The following PDE4DIP variants were observed in gnomAD, a reference collection of about 807,000 sequenced individuals.
PDE4DIP encodes phosphodiesterase 4D interacting protein.
Under a neutral mutation model 221.4 loss-of-function variants are expected in PDE4DIP, and 59 were observed. That is an observed-to-expected ratio of 0.27 (90% confidence interval 0.22 to 0.33). PDE4DIP has a LOEUF of 0.33. PDE4DIP is among the 10% of genes least tolerant of loss of function. PDE4DIP has a pLI of 1.00. For synonymous variants in PDE4DIP, 404 were observed against 815.9 expected (o/e 0.50, Z 8.60); for missense variants, 1,036 against 2,154.2 (o/e 0.48, Z 10.28).
At chr1:148,961,101 TC>T (rs1346392351) in intron 6 of PDE4DIP, among the ~76,000 whole-genome samples, 1 of 152,024 alleles carries the variant, frequency 6.6e-6, no homozygotes, top group East Asian at 1.9e-4. Context: ...GGTCAGGAGT[TC>T]GAGACCAGCC....
intron 20 of PDE4DIP, 89 bp downstream of exon 23, chr1:148,979,938 T>G: frequency 6.8e-7 from 1 of 1,477,658 alleles, no homozygotes; most frequent in African/African-American, 1.4e-5. Context: ...CTTCATTAAG[T>G]GCAGATGCTT....
chr1:149,007,126 C>T, intron 27 of PDE4DIP, 75 bp from the exon 31 acceptor site: 1 of 650,638 alleles, frequency 1.5e-6, no homozygotes, highest in Non-Finnish European at 2.8e-6. Flanking sequence ...GAAATCTCTA[C>T]AGAAGCCCCC....
At chr1:148,960,070 A>C (rs1330436771) in intron 5 of PDE4DIP, among the ~76,000 whole-genome samples, 1 of 152,296 alleles carries the variant, frequency 6.6e-6, no homozygotes, top group Non-Finnish European at 1.5e-5. Flanking sequence ...TTTACCCTAA[A>C]TACTTAAGCA....
At chr1:149,022,862 A>T (rs2073491140) in intron 37 of PDE4DIP, among the ~76,000 whole-genome samples, 1 of 151,812 alleles carries the variant, frequency 6.6e-6, no homozygotes, top group Non-Finnish European at 1.5e-5. Flanking sequence ...AACGTATTGG[A>T]TGGGTCTAGT....
chr1:148,934,648 G>A (rs868935579), intron 4 of PDE4DIP, among the ~76,000 whole-genome samples: 1 of 152,106 alleles, frequency 6.6e-6, no homozygotes, highest in Admixed American at 6.5e-5. Context: ...CTGTTGCCCA[G>A]GGTGGAGTAC....
At chr1:148,991,732 C>T (rs1553558930) in intron 21 of PDE4DIP, among the ~76,000 whole-genome samples, 153 bp from the exon 25 acceptor site, 2 of 152,164 alleles carry the variant, frequency 1.3e-5, no homozygotes, top group South Asian at 2.1e-4. Context: ...TTCTATTTTT[C>T]TTTCCAGCCC....
In PDE4DIP at chr1:148,923,859, A is replaced by C. The variant is rs529256; in HGVS notation, c.142-5338A>C. On this transcript the variant is annotated intron_variant, in intron 1 of 43. Coordinates refer to ENST00000369354, the Ensembl canonical transcript of PDE4DIP. ...ACAAACTTTGAGGTAATTTTTGCAA[A>C]CCCTATTTTATAAATGAGGAAATTA... 8.8e-3 allele frequency among the ~76,000 whole-genome samples: 1,120 copies of C among 127,574 alleles called. 42 individuals are homozygous for C. The highest frequency in any genetic ancestry group is 0.018 in the African/African-American group (575 of 31,738). 83.7% of individuals were successfully genotyped at this position (127,574 alleles called of 152,430 possible).
In PDE4DIP at chr1:149,016,328, G is replaced by A. The variant is rs782413685; in HGVS notation, c.5296G>A (p.Ala1766Thr). 4 of 1,612,616 alleles carry A rather than the reference G, an allele frequency of 2.5e-6. No individual in the cohort carries two copies. In the African/African-American group the frequency reaches 5.4e-5, roughly 22 times the overall value. Residue 1766 changes from alanine to threonine, a missense_variant, in exon 33 of 44, where the codon GCT (alanine) becomes ACT (threonine). By Grantham distance (58) the Ala-to-Thr change is moderately conservative. Coordinates refer to ENST00000369354, the Ensembl canonical transcript of PDE4DIP. ...CAGCACTGTTCCTCCTGCTTCCACAGCTACATTGCTGAGCAACGACTTGGA... is the reference window on the plus strand; with the variant it reads ...CAGCACTGTTCCTCCTGCTTCCACAACTACATTGCTGAGCAACGACTTGGA...
intron 1 of PDE4DIP, among the ~76,000 whole-genome samples, chr1:148,919,496 C>T (rs1419642176): frequency 6.6e-6 from 1 of 151,506 alleles, no homozygotes; most frequent in Non-Finnish European, 1.5e-5. Flanking sequence ...CTGCAATGAC[C>T]AGTCCTTTGT....
In PDE4DIP at chr1:148,931,703, A is replaced by G; in HGVS notation, c.219-97A>G. ...AAATATAAACCAGTTCAGTCACTGC[A>G]GAAAGCAGTTTGGAGATTTATCAAA... On this transcript the variant is annotated intron_variant, in intron 2 of 43. Coordinates refer to ENST00000369354, the Ensembl canonical transcript of PDE4DIP. 3.0e-6 allele frequency: 3 copies of G among 1,008,998 alleles called. No homozygotes were observed. The South Asian group carries it at 3.9e-5, about 13-fold the overall frequency. The allele number at this position is 1,008,998 out of a possible 1,614,324, so 62.5% of individuals were successfully genotyped here.
At chr1:148,919,476 T>G (rs1219101382) in intron 1 of PDE4DIP, among the ~76,000 whole-genome samples, 2 of 151,368 alleles carry the variant, frequency 1.3e-5, no homozygotes, top group Non-Finnish European at 2.9e-5. Context: ...AAAATGTATT[T>G]CTGGGGATCC....
At chr1:149,031,897 G>A (rs1553638338) in intron 43 of PDE4DIP, 47 bp from the exon 47 acceptor site, 1 of 1,570,688 alleles carries the variant, frequency 6.4e-7, no homozygotes, top group Admixed American at 1.7e-5. Context: ...CCATCAGTAG[G>A]GCCTGGCAAT....
intron 1 of PDE4DIP, among the ~76,000 whole-genome samples, chr1:148,859,824 G>GTA (rs1338732571): frequency 5.0e-4 from 62 of 124,462 alleles, no homozygotes; most frequent in African/African-American, 1.9e-3. Context: ...GTGTGTGTGT[G>GTA]TGTGTATGTG....
At chr1:149,001,561 C>T (rs1424365567) in intron 23 of PDE4DIP, 30 bp from the exon 27 acceptor site, 11 of 1,008,508 alleles carry the variant, frequency 1.1e-5, no homozygotes, top group Non-Finnish European at 1.2e-5. Context: ...AGGACCAGAC[C>T]TAGCCCTCAA....
intron 5 of PDE4DIP, among the ~76,000 whole-genome samples, chr1:148,944,808 T>C (rs1553482405): frequency 6.6e-6 from 1 of 151,886 alleles, no homozygotes; most frequent in South Asian, 2.1e-4. Context: ...GAGGTGGAGG[T>C]TGTAGTGAGC....
At chr1:148,969,501 TG>T (rs1410133374) in intron 14 of PDE4DIP, among the ~76,000 whole-genome samples, 1 of 151,866 alleles carries the variant, frequency 6.6e-6, no homozygotes, top group African/African-American at 2.4e-5. Context: ...GTTTCGATTT[TG>T]ATTCTAAATT....
intron 1 of PDE4DIP, among the ~76,000 whole-genome samples, chr1:148,918,546 A>G: frequency 7.6e-6 from 1 of 131,428 alleles, no homozygotes; most frequent in Non-Finnish European, 1.6e-5. Flanking sequence ...ATGAATAAAC[A>G]AATGATACTA....
intron 16 of PDE4DIP, 112 bp downstream of exon 19, chr1:148,972,704 A>G (rs1193558599): frequency 1.9e-6 from 1 of 517,790 alleles, no homozygotes; most frequent in African/African-American, 2.0e-5. Context: ...CTACCTTAAT[A>G]GAACAAATAA....
intron 5 of PDE4DIP, among the ~76,000 whole-genome samples, chr1:148,954,981 G>GGTAT (rs1428073008): frequency 6.6e-6 from 1 of 151,966 alleles, no homozygotes; most frequent in Non-Finnish European, 1.5e-5. Flanking sequence ...GTAGTTCTAT[G>GGTAT]GTATGTATAC....
Sources: allele counts gnomAD v4.1 joint callset (sites outside exome capture counted in the v4.1 genomes callset), GRCh38; gene constraint gnomAD v4.1.1; transcripts MANE v1.5; gene names NCBI Gene and HGNC (gene_info 2026-07-23, HGNC 2026-07-21).